The following PDZRN3 variants were observed in gnomAD, a reference collection of about 807,000 sequenced individuals.
PDZRN3 encodes PDZ domain containing ring finger 3, also known as E3 ubiquitin-protein ligase PDZRN3.
In PDZRN3, 38 loss-of-function variants were observed where a neutral mutation model predicts 85.7. The ratio of observed to expected loss-of-function variants is 0.44; its 90% CI spans 0.34 to 0.58. The LOEUF (loss-of-function observed/expected upper bound fraction) is 0.58. Ranked by LOEUF, PDZRN3 falls within the 20% of genes least tolerant of loss-of-function variation. The pLI is 0.01. For missense variants in PDZRN3, 1,629 were observed against 1,506.4 expected (o/e 1.08, Z -1.35); for synonymous variants, 759 against 638.0 (o/e 1.19, Z -2.86).
At chr3:73,511,560 C>T (rs1453587917) in intron 3 of PDZRN3, among the ~76,000 whole-genome samples, 1 of 152,288 alleles carries the variant, frequency 6.6e-6, no homozygotes, top group East Asian at 1.9e-4. Context: ...TTGCTGCACG[C>T]CTCCCCCTAC....
At chr3:73,453,948 C>A (rs115562958) in intron 3 of PDZRN3, among the ~76,000 whole-genome samples, 275 of 152,286 alleles carry the variant, frequency 1.8e-3, no homozygotes, top group African/African-American at 6.1e-3. Flanking sequence ...ATAAAAACCT[C>A]TAGCATGTTT....
At chr3:73,406,725 C>T (rs2106735211) in intron 3 of PDZRN3, among the ~76,000 whole-genome samples, 1 of 152,160 alleles carries the variant, frequency 6.6e-6, no homozygotes, top group Admixed American at 6.5e-5. Context: ...AGGCCTTTTG[C>T]CAAAAAGGAA....
At chr3:73,605,751 T>C (rs1702591080) in intron 2 of PDZRN3, among the ~76,000 whole-genome samples, 1 of 152,214 alleles carries the variant, frequency 6.6e-6, no homozygotes, top group African/African-American at 2.4e-5. Flanking sequence ...GGTTTCATGA[T>C]GCTATTTCTG....
intron 3 of PDZRN3, among the ~76,000 whole-genome samples, chr3:73,598,404 T>C (rs974888424): frequency 6.6e-6 from 1 of 152,150 alleles, no homozygotes; most frequent in Non-Finnish European, 1.5e-5. Context: ...CTGCAATAAG[T>C]ATATGCAATC....
chr3:73,411,455 G>A (rs1701965372), intron 3 of PDZRN3, among the ~76,000 whole-genome samples: 1 of 152,188 alleles, frequency 6.6e-6, no homozygotes, highest in South Asian at 2.1e-4. Flanking sequence ...TGTAGGCTGA[G>A]GTGTGAGCAA....
intron 3 of PDZRN3, among the ~76,000 whole-genome samples, chr3:73,508,232 A>C (rs759118950): frequency 6.6e-6 from 1 of 152,176 alleles, no homozygotes; most frequent in Non-Finnish European, 1.5e-5. Flanking sequence ...ACCACCATAC[A>C]ACCCCTCCCA....
chr3:73,393,730 T>A (rs1305867660), intron 5 of PDZRN3, among the ~76,000 whole-genome samples: 1 of 152,202 alleles, frequency 6.6e-6, no homozygotes, highest in Non-Finnish European at 1.5e-5. Context: ...TCCTTGCTTG[T>A]ATTTCTTGCT....
At chr3:73,586,053 T>G (rs1266727979) in intron 3 of PDZRN3, among the ~76,000 whole-genome samples, 1 of 152,230 alleles carries the variant, frequency 6.6e-6, no homozygotes, top group Admixed American at 6.5e-5. Context: ...TTTTAAAGTT[T>G]AGATTTTACA....
chr3:73,434,239 G>A (rs1302935787), intron 3 of PDZRN3, among the ~76,000 whole-genome samples: 1 of 152,144 alleles, frequency 6.6e-6, no homozygotes, highest in Non-Finnish European at 1.5e-5. Context: ...GGTCTCTTAG[G>A]ATAATCCCTA....
intron 3 of PDZRN3, among the ~76,000 whole-genome samples, chr3:73,588,814 A>T (rs1286109751): frequency 6.6e-6 from 1 of 152,238 alleles, no homozygotes; most frequent in Admixed American, 6.5e-5. Flanking sequence ...AACAGGTGGC[A>T]CATATATAGC....
chr3:73,560,394 T>C (rs1218223687), intron 3 of PDZRN3, among the ~76,000 whole-genome samples: 2 of 152,014 alleles, frequency 1.3e-5, no homozygotes, highest in South Asian at 2.1e-4. Context: ...GTGCTCCTCA[T>C]CCCCCAACTA....
At chr3:73,553,032 A>C (rs182211898) in intron 3 of PDZRN3, among the ~76,000 whole-genome samples, 83 of 152,328 alleles carry the variant, frequency 5.4e-4, no homozygotes, top group African/African-American at 1.7e-3. Context: ...AAAGAGAGAA[A>C]GCTAACATAT....
intron 8 of PDZRN3, among the ~76,000 whole-genome samples, chr3:73,387,690 T>C (rs1292691777): frequency 6.6e-6 from 1 of 152,120 alleles, no homozygotes; most frequent in Non-Finnish European, 1.5e-5. Context: ...GTGACCCCGG[T>C]TGTGTTTTCC....
chr3:73,580,299 T>C (rs1702179855), intron 3 of PDZRN3, among the ~76,000 whole-genome samples: 1 of 152,200 alleles, frequency 6.6e-6, no homozygotes, highest in African/African-American at 2.4e-5. Flanking sequence ...ATGTAAATTT[T>C]TTGGCATGAA....
At chr3:73,535,780 T>C (rs2106766749) in intron 3 of PDZRN3, among the ~76,000 whole-genome samples, 1 of 151,894 alleles carries the variant, frequency 6.6e-6, no homozygotes, top group Admixed American at 6.6e-5. Flanking sequence ...TCGCCCATAA[T>C]GTACACCTTG....
intron 3 of PDZRN3, among the ~76,000 whole-genome samples, chr3:73,583,628 G>A (rs1306250916): frequency 1.3e-5 from 2 of 152,158 alleles, no homozygotes; most frequent in African/African-American, 2.4e-5. Context: ...TTTAACAACA[G>A]GAAGGGAGAA....
chr3:73,623,978 A>C (rs1447240975), intron 1 of PDZRN3, 125 bp downstream of exon 1: 1 of 951,052 alleles, frequency 1.1e-6, no homozygotes, highest in African/African-American at 1.7e-5. Context: ...AAGCAGTGGA[A>C]GAAGAGGGAG....
chr3:73,465,329 C>T (rs947160698), intron 3 of PDZRN3, among the ~76,000 whole-genome samples: 1 of 152,126 alleles, frequency 6.6e-6, no homozygotes, highest in African/African-American at 2.4e-5. Context: ...CTGTATATTT[C>T]CCTTCCTTTA....
At chr3:73,386,840 G>A (rs561850936) in intron 8 of PDZRN3, among the ~76,000 whole-genome samples, 9 of 132,294 alleles carry the variant, frequency 6.8e-5, no homozygotes, top group East Asian at 4.6e-4. Context: ...CAGATGCCCC[G>A]TATGCCACTG....
Sources: allele counts gnomAD v4.1 joint callset (sites outside exome capture counted in the v4.1 genomes callset), GRCh38; gene constraint gnomAD v4.1.1; transcripts MANE v1.5; gene names NCBI Gene and HGNC (gene_info 2026-07-23, HGNC 2026-07-21).